Variants in LIPG observed in about 807,000 individuals in gnomAD.
The protein encoded by LIPG is endothelial lipase.
In LIPG, 34 loss-of-function variants were observed where a neutral mutation model predicts 51.8. The ratio of observed to expected loss-of-function variants is 0.66; its 90% CI spans 0.50 to 0.87. The LOEUF is 0.87. LIPG is among the 40% of genes least tolerant of loss of function. LIPG has a pLI of 0.00. For missense variants in LIPG, 580 were observed against 652.7 expected (o/e 0.89, Z 1.21); for synonymous variants, 246 against 246.1 (o/e 1.00, Z 0.00).
At chr18:49,579,769 T>TTTCCTTTCC (rs1568533484) in intron 5 of LIPG, among the ~76,000 whole-genome samples, 733 of 27,666 alleles carry the variant, frequency 0.026, 7 homozygotes, top group African/African-American at 0.086. Context: ...CTTTCCTTTC[T>TTTCCTTTCC]TTTCTTTTCT....
chr18:49,579,423 C>T (rs1224108300), intron 5 of LIPG, among the ~76,000 whole-genome samples: 3 of 151,808 alleles, frequency 2.0e-5, no homozygotes, highest in Admixed American at 1.3e-4. Flanking sequence ...AACCACCATA[C>T]CTGGCTCCAA....
chr18:49,563,124 GAGA>G (rs1209926146), intron 1 of LIPG, among the ~76,000 whole-genome samples: 2 of 152,222 alleles, frequency 1.3e-5, no homozygotes, highest in Admixed American at 1.3e-4. Context: ...GAATCAGAGT[GAGA>G]ACTAAGTCAG....
chr18:49,578,876 GTGGCGCGTGCCTGCA>G, intron 5 of LIPG, among the ~76,000 whole-genome samples: 1 of 134,844 alleles, frequency 7.4e-6, no homozygotes. Flanking sequence ...GTCAGGCGTG[GTGGCGCGTGCCTGCA>G]ATCGCAGGCA....
chr18:49,575,337 C>G, intron 4 of LIPG, 32 bp from the exon 5 acceptor site: 1 of 1,593,180 alleles, frequency 6.3e-7, no homozygotes, highest in Non-Finnish European at 8.6e-7. Flanking sequence ...CACCTGACAC[C>G]ACAGCTGTTT....
intron 4 of LIPG, among the ~76,000 whole-genome samples, chr18:49,572,816 A>G (rs11875600): frequency 0.11 from 17,149 of 151,912 alleles, 1,387 homozygotes; most frequent in African/African-American, 0.23. Context: ...TGGAAGTTTT[A>G]CATGTGTGCA....
rs554682739 is a variant in LIPG, at chr18:49,565,423, C to T, written c.204C>T (p.Val68=). The T allele has an allele frequency of 3.6e-5, 58 of 1,614,206 alleles. No homozygotes were observed. Among genetic ancestry groups the T allele is most frequent in the Admixed American group, 6.7e-5 (4 of 60,022 alleles). Reference sequence around the variant, plus strand: ...AGCATGAAGGATGCTACCTCTCCGTCGGCCACAGCCAGCCCTTAGAAGACT... The same window carrying T: ...AGCATGAAGGATGCTACCTCTCCGTTGGCCACAGCCAGCCCTTAGAAGACT... The part of the protein sequence containing the change: ...DPEHEGCYLS[V]GHSQPLEDCS... Residue 68 remains valine, a synonymous_variant, in exon 2 of 10, where the codon GTC becomes GTT. Transcript: ENST00000261292.
chr18:49,580,108 G>A (rs1194071184), intron 5 of LIPG, among the ~76,000 whole-genome samples: 4 of 152,114 alleles, frequency 2.6e-5, no homozygotes, highest in Non-Finnish European at 5.9e-5. Flanking sequence ...GCCACTGCCC[G>A]GCTGGATGAT....
rs1413681970 is a variant in LIPG at position 49,581,622 on chromosome 18, T to G, written c.1001T>G (p.Met334Arg). The change falls in exon 6 of 10, where the codon ATG becomes AGG. Residue 334 changes from methionine to arginine, a missense_variant. Physicochemically the swap from Met to Arg is moderately conservative, Grantham distance 91. Coordinates refer to ENST00000261292, the MANE Select transcript of LIPG (RefSeq NM_006033.4). ...KKMRNKRNSK[M>R]YLKTRAGMPF... ...ATGAGGAACAAGAGGAACAGCAAAATGTACCTAAAAACCCGGGCAGGCATG... is the reference window on the plus strand; with the variant it reads ...ATGAGGAACAAGAGGAACAGCAAAAGGTACCTAAAAACCCGGGCAGGCATG... The G allele has an allele frequency of 1.9e-6, 3 of 1,613,958 alleles. No homozygotes were observed. Among genetic ancestry groups the G allele is most frequent in the Non-Finnish European group, 2.5e-6 (3 of 1,180,034 alleles).
chr18:49,597,710 T>C lies in LIPG; in HGVS notation c.*7188T>C, dbSNP rs1191105297. ...CAGAGTTATCTGGGCCATTTGCTAATTATCTCAGCCCAGACGAGTCTGCAC... is the reference window on the plus strand; with the variant it reads ...CAGAGTTATCTGGGCCATTTGCTAACTATCTCAGCCCAGACGAGTCTGCAC... On this transcript the variant is annotated 3_prime_UTR_variant, in exon 10 of 10. Coordinates refer to ENST00000261292, the MANE Select transcript of LIPG (RefSeq NM_006033.4). 6.6e-6 allele frequency: 1 copy of C among 152,250 alleles called. No homozygotes were observed. The highest frequency in any genetic ancestry group is 6.5e-5 in the Admixed American group (1 of 15,278). 9.4% of individuals were successfully genotyped at this position (152,250 alleles called of 1,614,324 possible). A position where few individuals can be genotyped will look rare whatever the true frequency, so the allele number is the denominator to read the frequency against.
Position 49,575,542 on chromosome 18 carries a change from C to T in LIPG, c.745C>T (p.Gln249Ter), listed in dbSNP as rs2148850677. ...CATCTACCCCAATGGGGGTGACTTC[C>T]AGCCAGGCTGTGGACTCAACGATGT... ...IDIYPNGGDF[Q>*]PGCGLNDVLG... The change falls in exon 5 of 10, where the codon CAG becomes TAG. Residue 249 changes from glutamine to a stop codon, truncating the protein, a stop_gained. Coordinates refer to ENST00000261292, the MANE Select transcript of LIPG (RefSeq NM_006033.4). LOFTEE classifies it high-confidence loss of function. 1 of 1,614,214 alleles carries T rather than the reference C, an allele frequency of 6.2e-7. No homozygotes were observed. The highest frequency in any genetic ancestry group is 2.2e-5 in the East Asian group (1 of 44,880).
intron 4 of LIPG, 148 bp downstream of exon 4, chr18:49,569,696 C>A: frequency 2.8e-6 from 2 of 706,202 alleles, no homozygotes; most frequent in South Asian, 1.7e-5. Flanking sequence ...CGTTTTTAGT[C>A]ACAAGAAACT....
rs1287040949 is a variant in LIPG at position 49,591,151 on chromosome 18, A to G, written c.*629A>G. 1 of 161,672 alleles carries G rather than the reference A, an allele frequency of 6.2e-6. No homozygotes were observed. Among genetic ancestry groups the G allele is most frequent in the Non-Finnish European group, 1.4e-5 (1 of 72,802 alleles). 10.0% of individuals were successfully genotyped at this position (161,672 alleles called of 1,614,324 possible). Reference sequence around the variant, plus strand: ...TTAATTGAGCAAATGTCTATTGAACACTTAAAATTAATTAGAATGTGGTAA... The same window carrying G: ...TTAATTGAGCAAATGTCTATTGAACGCTTAAAATTAATTAGAATGTGGTAA... On this transcript the variant is annotated 3_prime_UTR_variant, in exon 10 of 10. Coordinates refer to ENST00000261292, the MANE Select transcript of LIPG (RefSeq NM_006033.4).
chr18:49,568,883 C>G (rs1284828298), intron 3 of LIPG, among the ~76,000 whole-genome samples: 2 of 150,826 alleles, frequency 1.3e-5, no homozygotes, highest in African/African-American at 5.0e-5. Flanking sequence ...CTAAGCTCTT[C>G]TATAGAGTTT....
At position 49,593,919 on chromosome 18, in the gene LIPG, G is replaced by T. The variant is rs990934180; in HGVS notation, c.*3397G>T. The T allele has an allele frequency of 2.6e-5, 4 of 152,098 alleles. No homozygotes were observed. Among genetic ancestry groups the T allele is most frequent in the Admixed American group, 2.6e-4 (4 of 15,274 alleles). The allele number at this position is 152,098 out of a possible 1,614,324, so 9.4% of individuals were successfully genotyped here. On this transcript the variant is annotated 3_prime_UTR_variant, in exon 10 of 10. Transcript: ENST00000261292. The stretch of plus-strand genomic sequence containing the variant: ...TTTGTGGGGAAAATAGTGATGTTTC[G>T]ATACATACAAGGTATAGTGATCATG...
At chr18:49,577,678 G>A (rs1600555117) in intron 5 of LIPG, among the ~76,000 whole-genome samples, 2 of 98,804 alleles carry the variant, frequency 2.0e-5, no homozygotes, top group Admixed American at 8.7e-5. Flanking sequence ...CGGACGGCAC[G>A]GCTGGCCAGG....
At chr18:49,573,769 G>A (rs2084687404) in intron 4 of LIPG, among the ~76,000 whole-genome samples, 1 of 152,124 alleles carries the variant, frequency 6.6e-6, no homozygotes, top group South Asian at 2.1e-4. Flanking sequence ...CTAATGTGCT[G>A]TGGTCTGGTG....
At chr18:49,586,300 A>C (rs988309054) in intron 8 of LIPG, among the ~76,000 whole-genome samples, 18 of 152,252 alleles carry the variant, frequency 1.2e-4, no homozygotes, top group African/African-American at 4.3e-4. Context: ...GCAGTTTCAC[A>C]TAGGGCATAA....
At chr18:49,582,576 C>G in intron 7 of LIPG, 94 bp downstream of exon 7, 3 of 1,532,578 alleles carry the variant, frequency 2.0e-6, no homozygotes, top group Non-Finnish European at 2.7e-6. Flanking sequence ...GAGTACAGCA[C>G]GCAGGAGAGT....
At chr18:49,561,817 G>A, upstream of LIPG, 1 of 1,255,618 alleles carries the variant, frequency 8.0e-7, no homozygotes, top group South Asian at 3.7e-5. Flanking sequence ...GGAGAAAGCT[G>A]GAGCTGCTGG....
Sources: gnomAD v4.1 joint callset for allele counts (sites outside exome capture counted in the v4.1 genomes callset) on GRCh38, gnomAD v4.1.1 for gene constraint, MANE v1.5 for transcripts, NCBI Gene and HGNC (gene_info 2026-07-23, HGNC 2026-07-21) for gene names.